MCTP2: variants seen among roughly 807,000 people sequenced by gnomAD.
MCTP2 encodes multiple C2 and transmembrane domain-containing protein 2.
A neutral mutation model predicts 111.6 loss-of-function variants in MCTP2; 132 were observed. That is an observed-to-expected ratio of 1.18 (90% CI 1.03 to 1.37). The LOEUF (loss-of-function observed/expected upper bound fraction) is 1.37. Among genes scored for constraint, MCTP2 ranks in the 40% most tolerant of loss-of-function variants. MCTP2 has a pLI of 0.00. For missense variants in MCTP2, 1,183 were observed against 1,067.9 expected, an observed-to-expected ratio of 1.11 and a Z score of -1.50; for synonymous variants, 395 against 387.7, an observed-to-expected ratio of 1.02 and a Z score of -0.22.
chr15:94,444,292 G>A (rs1313177381), intron 19 of MCTP2, among the ~76,000 whole-genome samples: 1 of 152,250 alleles, frequency 6.6e-6, no homozygotes, highest in Non-Finnish European at 1.5e-5. Context: ...ATACCCTAGA[G>A]CACCTCCATG....
intron 10 of MCTP2, among the ~76,000 whole-genome samples, chr15:94,363,973 G>C (rs1567533660): frequency 6.6e-6 from 1 of 151,510 alleles, no homozygotes; most frequent in Admixed American, 6.6e-5. Context: ...AATTTTTATA[G>C]GTTTTATTGC....
At chr15:94,412,044 G>A (rs1207163390) in intron 17 of MCTP2, among the ~76,000 whole-genome samples, 1 of 152,190 alleles carries the variant, frequency 6.6e-6, no homozygotes, top group Non-Finnish European at 1.5e-5. Context: ...AACAGCTGTT[G>A]TTTTTAATAT....
intron 17 of MCTP2, among the ~76,000 whole-genome samples, chr15:94,413,973 T>C (rs1177144505): frequency 6.6e-6 from 1 of 152,206 alleles, no homozygotes; most frequent in Non-Finnish European, 1.5e-5. Context: ...ATGCAAACTC[T>C]AAAGGATAAA....
At chr15:94,377,393 A>C (rs951708273) in intron 12 of MCTP2, among the ~76,000 whole-genome samples, 3 of 152,182 alleles carry the variant, frequency 2.0e-5, no homozygotes, top group African/African-American at 7.2e-5. Flanking sequence ...AAACTACATA[A>C]ATCTGCCTCT....
chr15:94,385,645 G>A, intron 14 of MCTP2, 120 bp downstream of exon 14: 1 of 686,764 alleles, frequency 1.5e-6, no homozygotes, highest in Non-Finnish European at 2.6e-6. Context: ...ACTATAGCAG[G>A]AAACGACTGT....
At chr15:94,240,332 C>G (rs1382087068) in intron 1 of MCTP2, among the ~76,000 whole-genome samples, 2 of 152,136 alleles carry the variant, frequency 1.3e-5, no homozygotes, top group Non-Finnish European at 2.9e-5. Flanking sequence ...GGTTGGAAAT[C>G]TGGCCTATGT....
intron 14 of MCTP2, among the ~76,000 whole-genome samples, 175 bp from the exon 15 acceptor site, chr15:94,398,786 A>G (rs1241990232): frequency 1.3e-5 from 2 of 152,230 alleles, no homozygotes; most frequent in Non-Finnish European, 2.9e-5. Context: ...AGAGCTTGTT[A>G]TAACAGCACT....
intron 8 of MCTP2, 61 bp downstream of exon 8, chr15:94,345,225 A>G: frequency 6.8e-7 from 1 of 1,465,506 alleles, no homozygotes; most frequent in East Asian, 2.3e-5. Context: ...TGTAGCAAAC[A>G]AAAATGACTG....
At chr15:94,424,310 T>C (rs969611551) in intron 17 of MCTP2, among the ~76,000 whole-genome samples, 3 of 152,042 alleles carry the variant, frequency 2.0e-5, no homozygotes, top group Non-Finnish European at 2.9e-5. Context: ...TTTCATTTTG[T>C]TTTTTGGGTT....
In MCTP2 at chr15:94,358,547, G is replaced by T. The variant is rs747228133; in HGVS notation, c.1236G>T (p.Arg412Ser). The part of the protein sequence containing the change: ...EQFDFHYFSD[R>S]MGILDIEVWG... ...TTGACTTTCACTACTTCTCTGACAG[G>T]ATGGGCATTTTGGACATTGAAGTGT... Residue 412 changes from arginine (R) to serine (S), a missense_variant, in exon 10 of 23, where the codon AGG becomes AGT. Physicochemically the swap from Arg to Ser is moderately radical, Grantham distance 110. Coordinates refer to ENST00000357742, the MANE Select transcript of MCTP2 (RefSeq NM_001385001.1). 2 of 1,613,848 alleles carry T rather than the reference G, an allele frequency of 1.2e-6. No individual in the cohort carries two copies. The highest frequency in any genetic ancestry group is 2.2e-5 in the South Asian group (2 of 91,090).
chr15:94,366,487 G>C (rs2079190853), intron 10 of MCTP2, among the ~76,000 whole-genome samples: 2 of 152,160 alleles, frequency 1.3e-5, no homozygotes, highest in Non-Finnish European at 2.9e-5. Context: ...ATTTCTTAAA[G>C]TGGAAGTTTT....
chr15:94,269,177 T>C (rs927218042), intron 1 of MCTP2, among the ~76,000 whole-genome samples: 3 of 152,198 alleles, frequency 2.0e-5, no homozygotes, highest in African/African-American at 7.2e-5. Context: ...TGAGGTTGGT[T>C]AGTTTGGGTT....
chr15:94,301,222 G>A (rs777187190), intron 2 of MCTP2, among the ~76,000 whole-genome samples: 34 of 152,238 alleles, frequency 2.2e-4, no homozygotes, highest in Admixed American at 1.7e-3. Context: ...CTTGAGTGCC[G>A]TTGCTTTGCT....
intron 8 of MCTP2, among the ~76,000 whole-genome samples, chr15:94,346,984 C>G (rs112625156): frequency 6.6e-6 from 1 of 152,026 alleles, no homozygotes; most frequent in African/African-American, 2.4e-5. Context: ...ATAATACGCG[C>G]CCATCCCGAG....
intron 4 of MCTP2, among the ~76,000 whole-genome samples, chr15:94,316,222 C>T (rs370151768): frequency 2.0e-5 from 3 of 151,546 alleles, no homozygotes; most frequent in African/African-American, 7.3e-5. Flanking sequence ...TTAAATACTA[C>T]GTATTATTTA....
At chr15:94,263,450 G>A (rs1018377263) in intron 1 of MCTP2, among the ~76,000 whole-genome samples, 1 of 152,112 alleles carries the variant, frequency 6.6e-6, no homozygotes, top group African/African-American at 2.4e-5. Context: ...TCTGTTTAAG[G>A]ACATGTCATT....
At chr15:94,394,281 C>A (rs918894380) in intron 14 of MCTP2, among the ~76,000 whole-genome samples, 6 of 151,876 alleles carry the variant, frequency 4.0e-5, no homozygotes, top group African/African-American at 7.3e-5. Context: ...AAGTATCCTT[C>A]TGCTTGTATT....
rs1438441870 is a variant in MCTP2, at chr15:94,479,938, A to C, written c.*904A>C. ...ATAAGGCTGCTTACCTAATTATTAT[A>C]ATCATTTCATTTGCCTGAATGTTTT... On this transcript the variant is annotated 3_prime_UTR_variant, in exon 23 of 23. Transcript: ENST00000357742. The C allele has an allele frequency of 6.6e-6, 1 of 152,208 alleles. No homozygotes were observed. The highest frequency in any genetic ancestry group is 2.1e-4 in the South Asian group (1 of 4,834). The allele number at this position is 152,208 out of a possible 1,614,324, so 9.4% of individuals were successfully genotyped here. A position where few individuals can be genotyped will look rare whatever the true frequency, so the allele number is the denominator to read the frequency against.
At chr15:94,474,556 C>G (rs968729847) in intron 21 of MCTP2, among the ~76,000 whole-genome samples, 2 of 152,018 alleles carry the variant, frequency 1.3e-5, no homozygotes, top group African/African-American at 4.8e-5. Context: ...TTTTTCTTGT[C>G]CCTTAAAGAA....
Sources: gnomAD v4.1 joint callset for allele counts (sites outside exome capture counted in the v4.1 genomes callset) on GRCh38, gnomAD v4.1.1 for gene constraint, MANE v1.5 for transcripts, NCBI Gene and HGNC (gene_info 2026-07-23, HGNC 2026-07-21) for gene names.